RORA: variants seen among roughly 807,000 people sequenced by gnomAD.
RORA encodes RAR related orphan receptor A.
A neutral mutation model predicts 69.5 loss-of-function variants in RORA; 7 were observed. The ratio of observed to expected loss-of-function variants is 0.10; its 90% confidence interval spans 0.06 to 0.19. The LOEUF is 0.19. RORA is among the 10% of genes least tolerant of loss of function. The probability of loss-of-function intolerance (pLI) is 1.00; values close to 1 mark genes in which losing one functional copy is unlikely to be tolerated. For synonymous variants in RORA, 261 were observed against 240.8 expected (o/e 1.08, Z -0.78); for missense variants, 457 against 663.0 (o/e 0.69, Z 3.41).
At chr15:61,070,237 T>C (rs1436325503) in intron 1 of RORA, among the ~76,000 whole-genome samples, 1 of 152,168 alleles carries the variant, frequency 6.6e-6, no homozygotes, top group African/African-American at 2.4e-5. Context: ...GCAAAACTAC[T>C]GGTATAGGAG....
intron 1 of RORA, among the ~76,000 whole-genome samples, chr15:60,945,395 C>T (rs993084209): frequency 1.1e-4 from 17 of 152,302 alleles, no homozygotes; most frequent in African/African-American, 3.4e-4. Context: ...GGTTGGCTCT[C>T]TTCCAGGACA....
intron 2 of RORA, among the ~76,000 whole-genome samples, chr15:60,533,577 C>G (rs920205): frequency 6.6e-6 from 1 of 152,048 alleles, no homozygotes; most frequent in Admixed American, 6.6e-5. Flanking sequence ...TGCCACAGAT[C>G]TGCAACTCTA....
At chr15:61,208,866 T>C (rs1016335569) in intron 1 of RORA, among the ~76,000 whole-genome samples, 1 of 152,206 alleles carries the variant, frequency 6.6e-6, no homozygotes, top group African/African-American at 2.4e-5. Context: ...GATAATAAAA[T>C]ATCCTCACAA....
chr15:60,587,640 C>T (rs1283350549), intron 2 of RORA, among the ~76,000 whole-genome samples: 5 of 152,154 alleles, frequency 3.3e-5, no homozygotes, highest in East Asian at 1.9e-4. Context: ...TATAGATTAG[C>T]ATCATCTCCC....
intron 7 of RORA, 93 bp from the exon 8 acceptor site, chr15:60,502,960 C>T: frequency 1.2e-6 from 1 of 845,692 alleles, no homozygotes; most frequent in Non-Finnish European, 2.1e-6. Flanking sequence ...CCTTCTGCAA[C>T]AGCATGGTGG....
chr15:60,840,191 T>A (rs994447897), intron 1 of RORA, among the ~76,000 whole-genome samples: 24 of 152,178 alleles, frequency 1.6e-4, no homozygotes, highest in African/African-American at 5.8e-4. Flanking sequence ...GTATGAGAAC[T>A]AGGTTTCCTT....
intron 2 of RORA, among the ~76,000 whole-genome samples, chr15:60,585,016 C>T (rs1278139698): frequency 6.6e-6 from 1 of 152,090 alleles, no homozygotes; most frequent in Non-Finnish European, 1.5e-5. Flanking sequence ...AACACGTAAG[C>T]ACTATTATCC....
intron 1 of RORA, among the ~76,000 whole-genome samples, chr15:60,919,493 C>A (rs11071569): frequency 0.98 from 149,142 of 152,356 alleles, 73,069 homozygotes; most frequent in East Asian, 1. Flanking sequence ...GACTAGGCTA[C>A]TATAGATAAT....
In RORA at chr15:60,945,015, C is replaced by G. The variant is rs145937640; in HGVS notation, c.167-266329G>C. 3.9e-5 allele frequency among the ~76,000 whole-genome samples: 6 copies of G among 152,276 alleles called. No individual in the cohort carries two copies. In the East Asian group the frequency reaches 1.2e-3, roughly 29 times the overall value. ...GCAAAATGAAAGATTGAAACAAAAA[C>G]AAACAGCCCACTTTGGTTTTAGAGC... is the stretch of plus-strand genomic sequence containing the variant. On this transcript the variant is annotated intron_variant, in intron 1 of 10. Coordinates refer to ENST00000335670, the MANE Select transcript of RORA (RefSeq NM_134261.3).
chr15:60,743,587 A>C (rs1167001613), intron 1 of RORA, among the ~76,000 whole-genome samples: 2 of 152,204 alleles, frequency 1.3e-5, no homozygotes, highest in Non-Finnish European at 2.9e-5. Context: ...AAGTCTTATA[A>C]AGGCAGAAAA....
intron 1 of RORA, among the ~76,000 whole-genome samples, chr15:61,152,611 C>T (rs1260878478): frequency 2.6e-5 from 4 of 151,896 alleles, no homozygotes; most frequent in African/African-American, 9.7e-5. Context: ...TGCTAAGTAC[C>T]ATTCTAGGTG....
intron 1 of RORA, among the ~76,000 whole-genome samples, chr15:60,816,091 A>T (rs1477519719): frequency 1.5e-5 from 2 of 135,498 alleles, no homozygotes; most frequent in African/African-American, 2.8e-5. Context: ...TGTATACTGT[A>T]AACAGTATAT....
At chr15:60,637,219 T>G (rs77120525) in intron 2 of RORA, among the ~76,000 whole-genome samples, 5,345 of 152,158 alleles carry the variant, frequency 0.035, 313 homozygotes, top group African/African-American at 0.12. Context: ...CTGAATTGAT[T>G]AATGTCATTT....
chr15:60,550,444 G>A (rs28405078), intron 2 of RORA, among the ~76,000 whole-genome samples: 11,488 of 152,108 alleles, frequency 0.076, 1,244 homozygotes, highest in African/African-American at 0.24. Context: ...TAATTTATGC[G>A]TCAATAGTTT....
At chr15:61,025,421 C>T (rs976604607) in intron 1 of RORA, among the ~76,000 whole-genome samples, 1 of 152,186 alleles carries the variant, frequency 6.6e-6, no homozygotes, top group Admixed American at 6.5e-5. Flanking sequence ...TCAGGAGAAC[C>T]TCCTCCAAAG....
At chr15:60,871,410 G>A (rs1204336803) in intron 1 of RORA, among the ~76,000 whole-genome samples, 1 of 152,206 alleles carries the variant, frequency 6.6e-6, no homozygotes, top group African/African-American at 2.4e-5. Context: ...CATTGTTTAT[G>A]GGATTGGAGA....
At chr15:60,523,052 A>AC (rs1455279101) in intron 3 of RORA, among the ~76,000 whole-genome samples, 1 of 148,732 alleles carries the variant, frequency 6.7e-6, no homozygotes, top group African/African-American at 2.5e-5. Context: ...AAAAAACACA[A>AC]AAAAAAAAAC....
intron 1 of RORA, among the ~76,000 whole-genome samples, chr15:60,696,397 A>G (rs1294134169): frequency 6.6e-6 from 1 of 152,166 alleles, no homozygotes; most frequent in African/African-American, 2.4e-5. Context: ...CATTCCAGAA[A>G]AATTAAGTTA....
chr15:60,525,019 A>G (rs751482783), intron 3 of RORA, among the ~76,000 whole-genome samples: 9 of 152,188 alleles, frequency 5.9e-5, no homozygotes, highest in Non-Finnish European at 1.2e-4. Flanking sequence ...TACACCACCT[A>G]AAAAGCACCA....
Sources: gnomAD v4.1 joint callset for allele counts (sites outside exome capture counted in the v4.1 genomes callset) on GRCh38, gnomAD v4.1.1 for gene constraint, MANE v1.5 for transcripts, NCBI Gene and HGNC (gene_info 2026-07-23, HGNC 2026-07-21) for gene names.